EPHA6: variants seen among roughly 807,000 people sequenced by gnomAD.
The protein encoded by EPHA6 is EPH receptor A6.
In EPHA6, 50 loss-of-function variants were observed where a neutral mutation model predicts 112.0. The observed-to-expected ratio is 0.45, with a 90% CI of 0.36 to 0.56. The LOEUF is 0.56. Among genes scored for constraint, EPHA6 ranks in the 20% least tolerant of loss-of-function variants. The probability of loss-of-function intolerance (pLI) is 0.00; values close to 1 mark genes in which losing one functional copy is unlikely to be tolerated. For synonymous variants in EPHA6, 529 were observed against 490.7 expected, an observed-to-expected ratio of 1.08 and a Z score of -1.03; for missense variants, 1,280 against 1,417.4, an observed-to-expected ratio of 0.90 and a Z score of 1.56.
intron 5 of EPHA6, among the ~76,000 whole-genome samples, chr3:97,341,050 G>T (rs1420880619): frequency 6.6e-6 from 1 of 152,170 alleles, no homozygotes; most frequent in Non-Finnish European, 1.5e-5. Context: ...TTACTGGCAA[G>T]GGAAATAAAA....
In EPHA6 at chr3:97,173,720, C is replaced by T. The variant is rs139580640; in HGVS notation, c.1115-52544C>T. 1.9e-3 allele frequency among the ~76,000 whole-genome samples: 283 copies of T among 151,786 alleles called. 2 individuals carry two copies. Among genetic ancestry groups the T allele is most frequent in the Non-Finnish European group, 3.6e-3 (241 of 67,704 alleles). ...TAGTGTATAGATTTATAATTATTAA[C>T]TATCCTGCCAAAGTAACAAATGACA... On this transcript the variant is annotated intron_variant, in intron 3 of 17. Transcript: ENST00000389672.
At chr3:97,610,674 A>G in intron 12 of EPHA6, 119 bp from the exon 13 acceptor site, 1 of 768,096 alleles carries the variant, frequency 1.3e-6, no homozygotes, top group Non-Finnish European at 2.2e-6. Context: ...CAGGCTGGAA[A>G]ATGAAATTCC....
chr3:96,861,014 G>A (rs927931764), intron 1 of EPHA6, among the ~76,000 whole-genome samples: 5 of 151,910 alleles, frequency 3.3e-5, no homozygotes, highest in African/African-American at 1.2e-4. Flanking sequence ...GCCCAGGAGG[G>A]AACCTGTAGT....
chr3:97,694,241 T>C (rs1576302103), intron 14 of EPHA6, among the ~76,000 whole-genome samples: 1 of 121,770 alleles, frequency 8.2e-6, no homozygotes, highest in East Asian at 2.1e-4. Flanking sequence ...TTTCTTTTTC[T>C]TTTTTTTTTT....
intron 3 of EPHA6, among the ~76,000 whole-genome samples, chr3:97,115,625 G>C (rs1021688281): frequency 2.0e-5 from 3 of 151,780 alleles, no homozygotes; most frequent in Non-Finnish European, 4.4e-5. Context: ...AGAATGCCCA[G>C]AGCAAGAGAG....
chr3:97,511,542 C>T (rs1325202256), intron 10 of EPHA6, among the ~76,000 whole-genome samples: 2 of 152,088 alleles, frequency 1.3e-5, no homozygotes, highest in Admixed American at 6.5e-5. Context: ...TTAGATGAGT[C>T]GGGTACCTCA....
intron 14 of EPHA6, among the ~76,000 whole-genome samples, chr3:97,695,357 C>G (rs1481444025): frequency 6.6e-6 from 1 of 152,150 alleles, no homozygotes; most frequent in Non-Finnish European, 1.5e-5. Context: ...AAAGCACTGT[C>G]AATTTGAATA....
intron 14 of EPHA6, among the ~76,000 whole-genome samples, chr3:97,681,101 G>T (rs1268820771): frequency 6.6e-6 from 1 of 152,016 alleles, no homozygotes; most frequent in Admixed American, 6.6e-5. Context: ...TACAGAAGAG[G>T]AAATACAAAT....
intron 3 of EPHA6, among the ~76,000 whole-genome samples, chr3:97,169,690 A>T (rs1252515051): frequency 7.2e-5 from 11 of 152,180 alleles, no homozygotes; most frequent in Admixed American, 1.3e-4. Flanking sequence ...AAATGCAGCC[A>T]TTTATGTATT....
chr3:96,965,391 T>TA (rs2107764876), intron 2 of EPHA6, among the ~76,000 whole-genome samples: 1 of 152,268 alleles, frequency 6.6e-6, no homozygotes, highest in African/African-American at 2.4e-5. Context: ...CCTAAAATGT[T>TA]ACTCTAGTGC....
At position 97,502,213 on chromosome 3, in the gene EPHA6, C is replaced by T. The variant is rs186807160; in HGVS notation, c.2200+18154C>T. On this transcript the variant is annotated intron_variant, in intron 10 of 17. Transcript: ENST00000389672. ...TGACAGAATCTTGCTCTATCGCCCA[C>T]GCTGGAGTGCAATGGTGCAATCTCG... 6.0e-3 allele frequency among the ~76,000 whole-genome samples: 882 copies of T among 147,012 alleles called. 8 individuals are homozygous for T. Among genetic ancestry groups the T allele is most frequent in the Non-Finnish European group, 6.9e-3 (466 of 67,326 alleles).
intron 7 of EPHA6, among the ~76,000 whole-genome samples, chr3:97,472,464 T>C (rs1001585878): frequency 7.3e-5 from 11 of 151,690 alleles, no homozygotes; most frequent in African/African-American, 2.2e-4. Flanking sequence ...TCAGTATGCT[T>C]AAAGAATGAT....
chr3:97,364,530 A>G (rs903947097), intron 5 of EPHA6, among the ~76,000 whole-genome samples: 5 of 152,006 alleles, frequency 3.3e-5, no homozygotes, highest in Admixed American at 6.6e-5. Context: ...AAGGAAAAAA[A>G]TCTAATCTTC....
intron 5 of EPHA6, among the ~76,000 whole-genome samples, chr3:97,334,335 A>G (rs917666741): frequency 1.3e-5 from 2 of 152,072 alleles, no homozygotes; most frequent in Non-Finnish European, 2.9e-5. Flanking sequence ...CTCTTCTAAA[A>G]GAAGAGATTT....
chr3:97,653,716 A>G (rs1560234734), intron 14 of EPHA6, among the ~76,000 whole-genome samples: 1 of 152,032 alleles, frequency 6.6e-6, no homozygotes, highest in Non-Finnish European at 1.5e-5. Flanking sequence ...TGTGTGCTGC[A>G]TCATTATTCA....
At chr3:97,486,279 C>T (rs2091696785) in intron 10 of EPHA6, among the ~76,000 whole-genome samples, 1 of 152,146 alleles carries the variant, frequency 6.6e-6, no homozygotes, top group Non-Finnish European at 1.5e-5. Flanking sequence ...AAACAATATG[C>T]TAAGGGTCCT....
At chr3:97,458,986 A>C (rs2090793563) in intron 7 of EPHA6, among the ~76,000 whole-genome samples, 1 of 152,186 alleles carries the variant, frequency 6.6e-6, no homozygotes, top group African/African-American at 2.4e-5. Flanking sequence ...GTATTGTATA[A>C]GGGAGCACAA....
chr3:97,005,215 C>G (rs1456626916), intron 3 of EPHA6, among the ~76,000 whole-genome samples: 2 of 152,086 alleles, frequency 1.3e-5, no homozygotes, highest in African/African-American at 4.8e-5. Flanking sequence ...GCAGTATGGC[C>G]ATTTTCACAT....
intron 3 of EPHA6, among the ~76,000 whole-genome samples, chr3:96,989,518 T>G (rs1179747817): frequency 1.3e-5 from 2 of 152,156 alleles, no homozygotes; most frequent in Non-Finnish European, 2.9e-5. Context: ...TAAAGATATT[T>G]TACATTGGAA....
Sources: gnomAD v4.1 joint callset for allele counts (sites outside exome capture counted in the v4.1 genomes callset) on GRCh38, gnomAD v4.1.1 for gene constraint, MANE v1.5 for transcripts, NCBI Gene and HGNC (gene_info 2026-07-23, HGNC 2026-07-21) for gene names.